CTIF: variants seen among roughly 807,000 people sequenced by gnomAD.
CTIF encodes the protein cap binding complex dependent translation initiation factor.
CTIF carries 21 observed loss-of-function variants against 66.0 expected under a neutral mutation model. The ratio of observed to expected loss-of-function variants is 0.32; its 90% CI spans 0.23 to 0.46. The LOEUF (loss-of-function observed/expected upper bound fraction) is 0.46. Ranked by LOEUF, CTIF falls within the 20% of genes least tolerant of loss-of-function variation. The pLI, the probability that CTIF is intolerant of heterozygous loss-of-function variation, is 1.00. For synonymous variants in CTIF, 345 were observed against 326.4 expected, an observed-to-expected ratio of 1.06 and a Z score of -0.62; for missense variants, 739 against 812.7, an observed-to-expected ratio of 0.91 and a Z score of 1.10.
intron 5 of CTIF, among the ~76,000 whole-genome samples, chr18:48,669,684 C>T (rs1331629988): frequency 1.3e-5 from 2 of 148,914 alleles, no homozygotes; most frequent in African/African-American, 2.5e-5. Flanking sequence ...CAGTATTTAC[C>T]ATTAAACATA....
chr18:48,794,481 A>AG, intron 9 of CTIF, among the ~76,000 whole-genome samples: 1 of 151,692 alleles, frequency 6.6e-6, no homozygotes, highest in Non-Finnish European at 1.5e-5. Context: ...GGGCCGGGGG[A>AG]GGGGTTGCTG....
intron 9 of CTIF, among the ~76,000 whole-genome samples, chr18:48,813,941 C>T (rs1019419050): frequency 6.6e-6 from 1 of 152,160 alleles, no homozygotes; most frequent in African/African-American, 2.4e-5. Flanking sequence ...AGGCACAGGG[C>T]TTTGCTAGTA....
chr18:48,730,295 CCCTGAGGTGTGAGGGGCT>C (rs2092429686), intron 7 of CTIF, among the ~76,000 whole-genome samples: 1 of 130,626 alleles, frequency 7.7e-6, no homozygotes, highest in Middle Eastern at 5.4e-3. Context: ...TGTGAGGGGC[CCCTGAGGTGTGAGGGGCT>C]TCTGCGGTGT....
intron 7 of CTIF, among the ~76,000 whole-genome samples, chr18:48,745,968 G>A (rs973088815): frequency 3.3e-5 from 5 of 152,224 alleles, no homozygotes; most frequent in Non-Finnish European, 7.3e-5. Flanking sequence ...TTCCCAGGAT[G>A]GAAAAACAGC....
intron 1 of CTIF, among the ~76,000 whole-genome samples, chr18:48,608,423 G>C (rs576799372): frequency 1.3e-5 from 2 of 152,162 alleles, no homozygotes; most frequent in African/African-American, 4.8e-5. Flanking sequence ...CAGCACAGGC[G>C]GTAGCAATCT....
intron 1 of CTIF, among the ~76,000 whole-genome samples, chr18:48,604,057 A>G (rs2090156812): frequency 6.7e-6 from 1 of 149,994 alleles, no homozygotes; most frequent in African/African-American, 2.5e-5. Context: ...CATGTTGCCC[A>G]TGAGCTGAAC....
At chr18:48,626,568 C>T (rs926862818) in intron 2 of CTIF, among the ~76,000 whole-genome samples, 8 of 146,792 alleles carry the variant, frequency 5.4e-5, no homozygotes, top group African/African-American at 2.0e-4. Flanking sequence ...AGGCTGGTGT[C>T]GAATGCCTGA....
intron 1 of CTIF, among the ~76,000 whole-genome samples, chr18:48,594,300 C>T (rs2089949627): frequency 6.6e-6 from 1 of 152,040 alleles, no homozygotes; most frequent in Non-Finnish European, 1.5e-5. Flanking sequence ...TTATTTTGAG[C>T]AAGAAGCCCT....
chr18:48,702,369 C>T (rs545615703), intron 6 of CTIF, among the ~76,000 whole-genome samples: 14 of 152,316 alleles, frequency 9.2e-5, no homozygotes, highest in South Asian at 4.1e-4. Context: ...GGCTACCCTG[C>T]GCAAAATATT....
chr18:48,577,005 C>T (rs769033010), intron 1 of CTIF, among the ~76,000 whole-genome samples: 5 of 152,204 alleles, frequency 3.3e-5, no homozygotes, highest in African/African-American at 4.8e-5. Flanking sequence ...GGATGATCTG[C>T]GGGGACAGGG....
At chr18:48,747,659 C>T (rs1334967423) in intron 7 of CTIF, among the ~76,000 whole-genome samples, 1 of 151,798 alleles carries the variant, frequency 6.6e-6, no homozygotes. Flanking sequence ...GTAATCCCAG[C>T]GCTCTGAGAG....
intron 2 of CTIF, among the ~76,000 whole-genome samples, chr18:48,622,280 T>G (rs116172305): frequency 0.017 from 2,532 of 151,550 alleles, 58 homozygotes; most frequent in African/African-American, 0.059. Flanking sequence ...AGAAAGATGG[T>G]GGGGGTGTGG....
chr18:48,622,269 T>C (rs2090509056), intron 2 of CTIF, among the ~76,000 whole-genome samples: 1 of 151,938 alleles, frequency 6.6e-6, no homozygotes, highest in African/African-American at 2.4e-5. Context: ...GAGACTGAGC[T>C]AGAAAGATGG....
At chr18:48,841,529 T>C (rs930140833) in intron 10 of CTIF, among the ~76,000 whole-genome samples, 2 of 152,174 alleles carry the variant, frequency 1.3e-5, no homozygotes, top group Non-Finnish European at 2.9e-5. Flanking sequence ...AGGCCCGGCG[T>C]TCTGAGCTGG....
At chr18:48,614,308 T>A (rs942682291) in intron 1 of CTIF, among the ~76,000 whole-genome samples, 2 of 152,006 alleles carry the variant, frequency 1.3e-5, no homozygotes, top group African/African-American at 4.8e-5. Flanking sequence ...TCTACCCTTT[T>A]CCTCCACACT....
chr18:48,645,075 T>C (rs899619969), intron 3 of CTIF, among the ~76,000 whole-genome samples: 8 of 152,180 alleles, frequency 5.3e-5, no homozygotes, highest in Admixed American at 1.3e-4. Context: ...ATAGATGTTC[T>C]TATCTATATT....
At chr18:48,769,767 T>A (rs1407183109) in intron 9 of CTIF, among the ~76,000 whole-genome samples, 1 of 152,252 alleles carries the variant, frequency 6.6e-6, no homozygotes, top group Non-Finnish European at 1.5e-5. Context: ...GATGAGTAAA[T>A]ATGACCTGCT....
chr18:48,821,684 C>T (rs1430493473), intron 10 of CTIF, among the ~76,000 whole-genome samples: 2 of 152,338 alleles, frequency 1.3e-5, no homozygotes, highest in East Asian at 3.9e-4. Flanking sequence ...TAGTTTCTGC[C>T]GAGGTGGTTT....
At chr18:48,844,770 G>T (rs779566781) in intron 10 of CTIF, among the ~76,000 whole-genome samples, 16 of 152,358 alleles carry the variant, frequency 1.1e-4, no homozygotes, top group South Asian at 2.1e-4. Flanking sequence ...GGGCAGGCAA[G>T]AGCGATTAAC....
Sources: gnomAD v4.1 joint callset for allele counts (sites outside exome capture counted in the v4.1 genomes callset) on GRCh38, gnomAD v4.1.1 for gene constraint, MANE v1.5 for transcripts, NCBI Gene and HGNC (gene_info 2026-07-23, HGNC 2026-07-21) for gene names.